Variants in GFPT1 observed in about 807,000 individuals in gnomAD.
GFPT1 encodes the protein glutamine--fructose-6-phosphate transaminase 1.
GFPT1 carries 40 observed loss-of-function variants against 92.0 expected under a neutral mutation model. The ratio of observed to expected loss-of-function variants is 0.43; its 90% CI spans 0.34 to 0.57. The LOEUF (loss-of-function observed/expected upper bound fraction) is 0.57, where lower values mean the gene tolerates loss of function less well. Among genes scored for constraint, GFPT1 ranks in the 20% least tolerant of loss-of-function variants. The probability of loss-of-function intolerance (pLI) is 0.02; values close to 1 mark genes in which losing one functional copy is unlikely to be tolerated. For synonymous variants in GFPT1, 269 were observed against 280.6 expected (o/e 0.96, Z 0.41); for missense variants, 448 against 869.1 (o/e 0.52, Z 6.09).
chr2:69,327,499 A>G (rs1670560044), intron 18 of GFPT1, among the ~76,000 whole-genome samples: 1 of 152,020 alleles, frequency 6.6e-6, no homozygotes, highest in East Asian at 1.9e-4. Context: ...ATTTTTTTTA[A>G]TTTATTTTAT....
At chr2:69,351,524 G>A (rs6546504) in intron 9 of GFPT1, among the ~76,000 whole-genome samples, 99,141 of 152,058 alleles carry the variant, frequency 0.65, 33,599 homozygotes, top group African/African-American at 0.85. Flanking sequence ...TCAGAAATGT[G>A]CATTCAAATG....
At chr2:69,367,482 T>C (rs1265843458) in intron 3 of GFPT1, among the ~76,000 whole-genome samples, 1 of 152,114 alleles carries the variant, frequency 6.6e-6, no homozygotes, top group African/African-American at 2.4e-5. Context: ...TGCCTCAGCC[T>C]CCCGAATAGC....
At chr2:69,358,157 G>C (rs1209615744) in intron 6 of GFPT1, among the ~76,000 whole-genome samples, 172 bp downstream of exon 6, 1 of 151,930 alleles carries the variant, frequency 6.6e-6, no homozygotes, top group African/African-American at 2.4e-5. Context: ...GGAGGGTGGG[G>C]GGGAATCAAT....
At chr2:69,377,953 G>A (rs1365497206) in intron 1 of GFPT1, among the ~76,000 whole-genome samples, 2 of 152,242 alleles carry the variant, frequency 1.3e-5, no homozygotes, top group Admixed American at 6.5e-5. Flanking sequence ...AGCAGAAATC[G>A]TTAGTCTGAC....
chr2:69,347,755 T>A (rs1441603610), intron 11 of GFPT1, among the ~76,000 whole-genome samples: 1 of 152,184 alleles, frequency 6.6e-6, no homozygotes, highest in Non-Finnish European at 1.5e-5. Context: ...AGTGCTAAGA[T>A]TACAGGTGTG....
intron 14 of GFPT1, 94 bp downstream of exon 14, chr2:69,338,351 C>A: frequency 9.6e-7 from 1 of 1,036,576 alleles, no homozygotes; most frequent in Non-Finnish European, 1.5e-6. Context: ...TCTGCAATGC[C>A]AGTTTATCTT....
At chr2:69,367,947 G>A (rs1258870434) in intron 3 of GFPT1, among the ~76,000 whole-genome samples, 1 of 152,110 alleles carries the variant, frequency 6.6e-6, no homozygotes, top group Non-Finnish European at 1.5e-5. Context: ...TGTATTGCAG[G>A]GTAAGATTAG....
intron 15 of GFPT1, among the ~76,000 whole-genome samples, chr2:69,335,922 A>T (rs1670782130): frequency 6.6e-6 from 1 of 151,574 alleles, no homozygotes; most frequent in African/African-American, 2.4e-5. Context: ...GCTACTCAGG[A>T]GGCTAAGGTG....
intron 19 of GFPT1, among the ~76,000 whole-genome samples, chr2:69,326,677 T>G (rs1368703764): frequency 6.6e-6 from 1 of 152,132 alleles, no homozygotes; most frequent in Non-Finnish European, 1.5e-5. Context: ...AGAAAACAGG[T>G]GGAGACTACC....
chr2:69,354,499 G>C lies in GFPT1; in HGVS notation c.675C>G (p.Leu225=). 6.3e-7 allele frequency: 1 copy of C among 1,584,396 alleles called. No homozygotes were observed. The highest frequency in any genetic ancestry group is 1.3e-5 in the African/African-American group (1 of 74,440). ...HKLSTDHIPI[L]YRTARTQIGS... is the part of the protein sequence containing the mutation. ...TAGAGGTAATTTTACCTGTTCTGTA[G>C]AGTATAGGAATGTGATCAGTAGAAA... Residue 225 remains leucine (L), a synonymous_variant, in exon 8 of 20, where the codon CTC becomes CTG. Coordinates refer to ENST00000357308, the MANE Select transcript of GFPT1 (RefSeq NM_001244710.2).
chr2:69,387,208 C>G lies in GFPT1; in HGVS notation c.-137G>C, dbSNP rs1672151436. 1 of 961,292 alleles carries G rather than the reference C, an allele frequency of 1.0e-6. No homozygotes were observed. 59.5% of individuals were successfully genotyped at this position (961,292 alleles called of 1,614,324 possible). On this transcript the variant is annotated 5_prime_UTR_variant, in exon 1 of 20. Transcript: ENST00000357308. Reference sequence around the variant, plus strand: ...CACGACTCCCTCGGGGATGCGACGGCCAAGGCAACGACAGCCTTCTCCGCC... The same window carrying G: ...CACGACTCCCTCGGGGATGCGACGGGCAAGGCAACGACAGCCTTCTCCGCC...
chr2:69,341,710 T>TA (rs528618023), intron 13 of GFPT1, among the ~76,000 whole-genome samples: 1,778 of 148,318 alleles, frequency 0.012, 17 homozygotes, highest in Non-Finnish European at 0.018. Context: ...AAATCTGATT[T>TA]AAAAAAAAAA....
chr2:69,328,613 T>C (rs573023943), intron 17 of GFPT1, among the ~76,000 whole-genome samples, 175 bp from the exon 18 acceptor site: 1 of 151,988 alleles, frequency 6.6e-6, no homozygotes, highest in Non-Finnish European at 1.5e-5. Flanking sequence ...TTCTATATTA[T>C]CAACATGTAA....
intron 1 of GFPT1, among the ~76,000 whole-genome samples, chr2:69,378,365 C>A (rs1399425603): frequency 1.3e-5 from 2 of 152,166 alleles, no homozygotes; most frequent in African/African-American, 4.8e-5. Context: ...ATCAACTTTC[C>A]GCCACTCTTC....
intron 9 of GFPT1, among the ~76,000 whole-genome samples, chr2:69,351,963 G>A (rs867081537): frequency 6.6e-6 from 1 of 152,128 alleles, no homozygotes; most frequent in Non-Finnish European, 1.5e-5. Context: ...AAATATTACT[G>A]TATGTTAAAA....
rs765395852 is a variant in GFPT1, at chr2:69,359,319, G to A, written c.357C>T (p.Ile119=). The change falls in exon 5 of 20, where the codon ATC becomes ATT. Residue 119 remains isoleucine (I), a synonymous_variant. Coordinates refer to ENST00000357308, the MANE Select transcript of GFPT1 (RefSeq NM_001244710.2). ...TGGTGATGATTCCATTGTGAATAAC[G>A]ATAAATTCTAAAAGAGGTAAAAGTG... ...PQRSDKNNEF[I]VIHNGIITNY... The A allele has an allele frequency of 1.3e-5, 21 of 1,564,480 alleles. No homozygotes were observed. The highest frequency in any genetic ancestry group is 3.3e-5 in the Admixed American group (2 of 59,876).
intron 1 of GFPT1, among the ~76,000 whole-genome samples, chr2:69,383,603 T>C (rs550542987): frequency 6.6e-6 from 1 of 152,200 alleles, no homozygotes; most frequent in South Asian, 2.1e-4. Context: ...AAACATTCCA[T>C]TTATTTATTT....
chr2:69,386,981 C>T, intron 1 of GFPT1, 84 bp downstream of exon 1: 1 of 1,087,262 alleles, frequency 9.2e-7, no homozygotes, highest in Non-Finnish European at 1.4e-6. Context: ...CTCCCGCTTC[C>T]GCCCGTCGCC....
rs139518606 is a variant in GFPT1 at position 69,332,941 on chromosome 2, A to G, written c.1483-3143T>C. Among the ~76,000 whole-genome samples the G allele has an allele frequency of 1.3e-3, 195 of 152,274 alleles. 1 individual carries two copies. The highest frequency in any genetic ancestry group is 4.5e-3 in the African/African-American group (187 of 41,554). On this transcript the variant is annotated intron_variant, in intron 15 of 19. Coordinates refer to ENST00000357308, the MANE Select transcript of GFPT1 (RefSeq NM_001244710.2). ...TCCTTAACATCCCAATAGTTAAATG[A>G]GACTCCCTGTTTCCTCCTGCTGGAC... is the stretch of plus-strand genomic sequence containing the variant.
Sources: allele counts gnomAD v4.1 joint callset (sites outside exome capture counted in the v4.1 genomes callset), GRCh38; gene constraint gnomAD v4.1.1; transcripts MANE v1.5; gene names NCBI Gene and HGNC (gene_info 2026-07-23, HGNC 2026-07-21).